The following EDAR variants were observed in gnomAD, a reference collection of about 807,000 sequenced individuals.
The protein encoded by EDAR is tumor necrosis factor receptor superfamily member EDAR.
A neutral mutation model predicts 51.3 loss-of-function variants in EDAR; 38 were observed. That is an observed-to-expected ratio of 0.74 (90% CI 0.57 to 0.97). The LOEUF is 0.97. Ranked by LOEUF, EDAR falls within the 50% of genes least tolerant of loss-of-function variation. The pLI is 0.00. For missense variants in EDAR, 528 were observed against 595.0 expected (o/e 0.89, Z 1.17); for synonymous variants, 227 against 242.1 (o/e 0.94, Z 0.58).
At chr2:108,933,281 C>A (rs1050110228) in intron 1 of EDAR, among the ~76,000 whole-genome samples, 10 of 152,106 alleles carry the variant, frequency 6.6e-5, no homozygotes, top group Admixed American at 3.3e-4. Flanking sequence ...ACTGAGGGAG[C>A]ATTCTGGGGA....
chr2:108,932,286 T>TCC (rs1469097857), intron 1 of EDAR, among the ~76,000 whole-genome samples: 1 of 151,862 alleles, frequency 6.6e-6, no homozygotes, highest in South Asian at 2.1e-4. Context: ...CCCAGCACTT[T>TCC]GGGAGGCTGA....
intron 8 of EDAR, 120 bp downstream of exon 8, chr2:108,910,656 G>T: frequency 7.0e-7 from 1 of 1,418,770 alleles, no homozygotes; most frequent in Non-Finnish European, 9.9e-7. Flanking sequence ...CCACCCCACG[G>T]TAAGCACAGT....
intron 9 of EDAR, among the ~76,000 whole-genome samples, chr2:108,910,243 G>T (rs1696892664): frequency 6.6e-6 from 1 of 152,220 alleles, no homozygotes; most frequent in Non-Finnish European, 1.5e-5. Context: ...AGGGACAGGG[G>T]CCTGACCCGA....
chr2:108,906,524 G>C (rs533440641), intron 10 of EDAR, among the ~76,000 whole-genome samples, 156 bp from the exon 11 acceptor site: 2 of 152,328 alleles, frequency 1.3e-5, no homozygotes, highest in African/African-American at 2.4e-5. Flanking sequence ...GACACACAGG[G>C]AGGAGGGCCT....
intron 6 of EDAR, among the ~76,000 whole-genome samples, chr2:108,911,510 C>A (rs1351944550): frequency 2.6e-5 from 4 of 152,182 alleles, no homozygotes; most frequent in African/African-American, 7.2e-5. Context: ...CCATCTTGCA[C>A]CTCATGCAAT....
At chr2:108,936,100 C>A (rs186571767) in intron 1 of EDAR, among the ~76,000 whole-genome samples, 2 of 152,360 alleles carry the variant, frequency 1.3e-5, no homozygotes, top group Admixed American at 1.3e-4. Flanking sequence ...TCCGGGACTT[C>A]CCATTCTTCC....
chr2:108,909,176 A>G (rs1696867516), intron 9 of EDAR, among the ~76,000 whole-genome samples: 1 of 152,242 alleles, frequency 6.6e-6, no homozygotes, highest in African/African-American at 2.4e-5. Flanking sequence ...CCCTGTCTTC[A>G]ACTGCAACTC....
At chr2:108,900,647 CAGTTAT>C (rs1408415531) in intron 11 of EDAR, among the ~76,000 whole-genome samples, 1 of 151,666 alleles carries the variant, frequency 6.6e-6, no homozygotes, top group Non-Finnish European at 1.5e-5. Context: ...AAAATTTTCC[CAGTTAT>C]ATGCTGCCTA....
At chr2:108,914,661 T>G (rs1442967383) in intron 5 of EDAR, among the ~76,000 whole-genome samples, 1 of 152,224 alleles carries the variant, frequency 6.6e-6, no homozygotes, top group East Asian at 1.9e-4. Flanking sequence ...ACTTCAGTTT[T>G]GCAAATAATA....
chr2:108,977,361 C>CG (rs1340654606), intron 1 of EDAR, among the ~76,000 whole-genome samples: 1 of 152,194 alleles, frequency 6.6e-6, no homozygotes, highest in Non-Finnish European at 1.5e-5. Context: ...CTGCGCCTCC[C>CG]GGGTTCACGC....
Position 108,959,569 on chromosome 2 carries a change from A to T in EDAR, c.-18-28537T>A, listed in dbSNP as rs2124593. Among the ~76,000 whole-genome samples, 3 of 152,176 alleles carry T rather than the reference A, an allele frequency of 2.0e-5. No homozygotes were observed. In the South Asian group the frequency reaches 6.2e-4, roughly 31 times the overall value. Reference sequence around the variant, plus strand: ...GGTTTCCAAGGGACCTGGTTCTCACAGCAGTCATGGGGCTGAGGGGAGCTG... The same window carrying T: ...GGTTTCCAAGGGACCTGGTTCTCACTGCAGTCATGGGGCTGAGGGGAGCTG... On this transcript the variant is annotated intron_variant, in intron 1 of 11. Transcript: ENST00000258443.
intron 11 of EDAR, among the ~76,000 whole-genome samples, chr2:108,906,033 C>T (rs1387464767): frequency 1.4e-5 from 2 of 146,294 alleles, no homozygotes; most frequent in African/African-American, 5.6e-5. Flanking sequence ...GCTCACCGAC[C>T]CTGCGTTTCC....
Position 108,912,727 on chromosome 2 carries a change from A to G in EDAR, c.480T>C (p.Pro160=). ...GATSGASANF[P]GTSGSSTLSP... ...ACAGGGTGCTGCTGCCCGAGGTGCC[A>G]GGGAAGTTGGCAGAAGCTCCTGAAG... The change falls in exon 6 of 12, where the codon CCT becomes CCC. Residue 160 remains proline (P), a synonymous_variant. Coordinates refer to ENST00000258443, the MANE Select transcript of EDAR (RefSeq NM_022336.4). 6.2e-7 allele frequency: 1 copy of G among 1,602,906 alleles called. No homozygotes were observed. Among genetic ancestry groups the G allele is most frequent in the Admixed American group, 1.7e-5 (1 of 58,588 alleles).
At chr2:108,922,819 C>T (rs923864895) in intron 5 of EDAR, among the ~76,000 whole-genome samples, 1 of 152,104 alleles carries the variant, frequency 6.6e-6, no homozygotes, top group Non-Finnish European at 1.5e-5. Flanking sequence ...AGGTACCTGG[C>T]CCTTCGTCAT....
intron 1 of EDAR, among the ~76,000 whole-genome samples, chr2:108,980,696 G>A (rs982042581): frequency 6.6e-6 from 1 of 152,132 alleles, no homozygotes; most frequent in Non-Finnish European, 1.5e-5. Flanking sequence ...TGAAGGGAAT[G>A]AGCAAGACAC....
chr2:108,920,274 G>C (rs1464274125), intron 5 of EDAR, among the ~76,000 whole-genome samples: 2 of 152,112 alleles, frequency 1.3e-5, no homozygotes, highest in Non-Finnish European at 2.9e-5. Context: ...CAACAATCAT[G>C]TCCCCATTTT....
intron 5 of EDAR, among the ~76,000 whole-genome samples, chr2:108,917,574 C>A (rs967605987): frequency 2.6e-5 from 4 of 152,170 alleles, no homozygotes; most frequent in African/African-American, 9.7e-5. Context: ...AAGCATCTAG[C>A]TTACTTGGTC....
chr2:108,974,099 G>C (rs1307795067), intron 1 of EDAR, among the ~76,000 whole-genome samples: 3 of 151,596 alleles, frequency 2.0e-5, no homozygotes, highest in African/African-American at 7.3e-5. Context: ...GGAGGCCGAG[G>C]TGGGTGGATC....
At chr2:108,964,548 A>T (rs558199991) in intron 1 of EDAR, among the ~76,000 whole-genome samples, 1 of 152,272 alleles carries the variant, frequency 6.6e-6, no homozygotes, top group Admixed American at 6.5e-5. Context: ...GCCCAACCAA[A>T]CCACAGTCAC....
Sources: gnomAD v4.1 joint callset for allele counts (sites outside exome capture counted in the v4.1 genomes callset) on GRCh38, gnomAD v4.1.1 for gene constraint, MANE v1.5 for transcripts, NCBI Gene and HGNC (gene_info 2026-07-23, HGNC 2026-07-21) for gene names.